The following CMPK1 variants were observed in gnomAD, a reference collection of about 807,000 sequenced individuals.
CMPK1 encodes the protein cytidine/uridine monophosphate kinase 1.
In CMPK1, 10 loss-of-function variants were observed where a neutral mutation model predicts 25.7. That is an observed-to-expected ratio of 0.39 (90% CI 0.24 to 0.66). The LOEUF is 0.66. Ranked by LOEUF, CMPK1 falls within the 30% of genes least tolerant of loss-of-function variation. The pLI is 0.48. For missense variants in CMPK1, 199 were observed against 280.5 expected (o/e 0.71, Z 2.08); for synonymous variants, 106 against 101.5 (o/e 1.04, Z -0.27).
At chr1:47,362,222 G>T (rs534200029) in intron 1 of CMPK1, among the ~76,000 whole-genome samples, 58 of 139,262 alleles carry the variant, frequency 4.2e-4, no homozygotes, top group Admixed American at 1.6e-3. Flanking sequence ...TAGGCTGGAC[G>T]GCAGTGGCAC....
rs1306981903 is a variant in CMPK1, at chr1:47,377,275, TG to T, written c.*531del. Reference sequence around the variant, plus strand: ...GTTTATTAAATAACTGACCATTTGCTGTAGAAAGATGAGAAAACTTAAGCTT... The same window carrying T: ...GTTTATTAAATAACTGACCATTTGCTTAGAAAGATGAGAAAACTTAAGCTT... On this transcript the variant is annotated 3_prime_UTR_variant, in exon 6 of 6. Coordinates refer to ENST00000371873, the MANE Select transcript of CMPK1 (RefSeq NM_016308.3). 6.6e-6 allele frequency: 1 copy of T among 152,526 alleles called. No homozygotes were observed. Among genetic ancestry groups the T allele is most frequent in the Non-Finnish European group, 1.5e-5 (1 of 68,042 alleles). 9.4% of individuals were successfully genotyped at this position (152,526 alleles called of 1,614,324 possible).
chr1:47,357,024 C>T (rs1005090254), intron 1 of CMPK1, among the ~76,000 whole-genome samples: 1 of 143,226 alleles, frequency 7.0e-6, no homozygotes, highest in African/African-American at 2.6e-5. Context: ...AGTGCAGTGG[C>T]ACGATCTCGG....
At chr1:47,350,784 G>A (rs1360571286) in intron 1 of CMPK1, among the ~76,000 whole-genome samples, 1 of 151,836 alleles carries the variant, frequency 6.6e-6, no homozygotes, top group Non-Finnish European at 1.5e-5. Context: ...GCACGCACCT[G>A]TAATCCTAGC....
chr1:47,353,257 A>G (rs1433679501), intron 1 of CMPK1, among the ~76,000 whole-genome samples: 1 of 152,164 alleles, frequency 6.6e-6, no homozygotes, highest in Non-Finnish European at 1.5e-5. Context: ...GTTTCCTTTT[A>G]AACTTTTGCT....
At chr1:47,334,264 G>A in intron 1 of CMPK1, 148 bp downstream of exon 1, 2 of 716,100 alleles carry the variant, frequency 2.8e-6, no homozygotes, top group Non-Finnish European at 3.7e-6. Flanking sequence ...GGCAGTGGCC[G>A]AGGGCCGCCG....
intron 1 of CMPK1, among the ~76,000 whole-genome samples, chr1:47,346,445 A>T (rs559908730): frequency 1.3e-5 from 2 of 151,968 alleles, no homozygotes; most frequent in East Asian, 3.9e-4. Context: ...ATCATATTGG[A>T]CACTTCCACC....
rs937830347 is a variant in CMPK1 at position 47,333,873 on chromosome 1, G to A, written c.-73G>A. 4.7e-5 allele frequency: 50 copies of A among 1,060,664 alleles called. No individual in the cohort carries two copies. Among genetic ancestry groups the A allele is most frequent in the African/African-American group, 1.7e-4 (10 of 58,704 alleles). The allele number at this position is 1,060,664 out of a possible 1,614,324, so 65.7% of individuals were successfully genotyped here. A position where few individuals can be genotyped will look rare whatever the true frequency, so the allele number is the denominator to read the frequency against. ...CCGGCTCAGCCCGCCCCTTTCTCCC[G>A]CCGCCTCCCCGCCCCGCCCCGCGCC... On this transcript the variant is annotated 5_prime_UTR_variant, in exon 1 of 6. Coordinates refer to ENST00000371873, the MANE Select transcript of CMPK1 (RefSeq NM_016308.3).
chr1:47,347,082 C>G (rs1454210541), intron 1 of CMPK1, among the ~76,000 whole-genome samples: 2 of 152,168 alleles, frequency 1.3e-5, no homozygotes, highest in South Asian at 2.1e-4. Flanking sequence ...TGTGCCCGGC[C>G]TATTTTATTT....
intron 1 of CMPK1, among the ~76,000 whole-genome samples, chr1:47,337,863 G>A (rs1172979139): frequency 6.6e-6 from 1 of 152,042 alleles, no homozygotes; most frequent in African/African-American, 2.4e-5. Flanking sequence ...CACCCACCTT[G>A]GCCTCCCAAA....
chr1:47,339,259 C>T (rs1646421880), intron 1 of CMPK1, among the ~76,000 whole-genome samples: 1 of 152,106 alleles, frequency 6.6e-6, no homozygotes, highest in South Asian at 2.1e-4. Context: ...ATCCACCTGC[C>T]TCAGCTTCCT....
At chr1:47,375,538 G>A (rs887388761) in intron 5 of CMPK1, among the ~76,000 whole-genome samples, 8 of 152,002 alleles carry the variant, frequency 5.3e-5, no homozygotes, top group African/African-American at 1.9e-4. Flanking sequence ...GAAAAATTAG[G>A]GTTTTTTTCC....
At chr1:47,349,538 TTG>T (rs1439492664) in intron 1 of CMPK1, among the ~76,000 whole-genome samples, 1 of 152,216 alleles carries the variant, frequency 6.6e-6, no homozygotes, top group Admixed American at 6.5e-5. Context: ...TGTGCCTTCT[TTG>T]CTATTCTGTA....
intron 5 of CMPK1, among the ~76,000 whole-genome samples, chr1:47,376,138 G>C (rs541665896): frequency 1.9e-4 from 28 of 151,330 alleles, no homozygotes; most frequent in African/African-American, 6.8e-4. Context: ...AGCACTAATC[G>C]AATGTAATAT....
At chr1:47,376,104 C>G in intron 5 of CMPK1, among the ~76,000 whole-genome samples, 1 of 151,462 alleles carries the variant, frequency 6.6e-6, no homozygotes, top group African/African-American at 2.4e-5. Context: ...TATTGGTAGC[C>G]TCTCAAGAAT....
At chr1:47,348,042 C>A (rs1260281452) in intron 1 of CMPK1, among the ~76,000 whole-genome samples, 1 of 151,446 alleles carries the variant, frequency 6.6e-6, no homozygotes, top group Non-Finnish European at 1.5e-5. Context: ...ATTTGCTGTA[C>A]CACATTCCAG....
intron 1 of CMPK1, among the ~76,000 whole-genome samples, chr1:47,367,316 C>A (rs964235975): frequency 6.6e-6 from 1 of 152,188 alleles, no homozygotes; most frequent in South Asian, 2.1e-4. Context: ...GACTACCTTA[C>A]CGTTAACTTA....
At chr1:47,335,652 A>T (rs1646392531) in intron 1 of CMPK1, among the ~76,000 whole-genome samples, 1 of 152,112 alleles carries the variant, frequency 6.6e-6, no homozygotes, top group Non-Finnish European at 1.5e-5. Flanking sequence ...AAAAAAAAAA[A>T]AAAAAATCAT....
intron 1 of CMPK1, among the ~76,000 whole-genome samples, chr1:47,361,371 A>G (rs1417723646): frequency 6.6e-6 from 1 of 152,192 alleles, no homozygotes; most frequent in Non-Finnish European, 1.5e-5. Flanking sequence ...CCTGGGCGAC[A>G]GAGCAAGACT....
At chr1:47,375,605 A>G (rs932928493) in intron 5 of CMPK1, among the ~76,000 whole-genome samples, 3 of 152,202 alleles carry the variant, frequency 2.0e-5, no homozygotes, top group Non-Finnish European at 2.9e-5. Context: ...TTCATGAGAA[A>G]TGGGTGGTTT....
Sources: gnomAD v4.1 joint callset for allele counts (sites outside exome capture counted in the v4.1 genomes callset) on GRCh38, gnomAD v4.1.1 for gene constraint, MANE v1.5 for transcripts, NCBI Gene and HGNC (gene_info 2026-07-23, HGNC 2026-07-21) for gene names.